PRKCI: variants seen among roughly 807,000 people sequenced by gnomAD.
PRKCI encodes protein kinase C iota type.
Under a neutral mutation model 84.0 loss-of-function variants are expected in PRKCI, and 43 were observed. The observed-to-expected ratio is 0.51, with a 90% confidence interval of 0.40 to 0.66. The LOEUF (loss-of-function observed/expected upper bound fraction) is 0.66, where lower values mean the gene tolerates loss of function less well. PRKCI is among the 30% of genes least tolerant of loss of function. The pLI, the probability that PRKCI is intolerant of heterozygous loss-of-function variation, is 0.00. For missense variants in PRKCI, 459 were observed against 745.6 expected (o/e 0.62, Z 4.48); for synonymous variants, 216 against 234.4 (o/e 0.92, Z 0.72).
chr3:170,282,021 T>C (rs1268861197), intron 11 of PRKCI, 53 bp downstream of exon 11: 65 of 1,579,662 alleles, frequency 4.1e-5, no homozygotes, highest in Non-Finnish European at 5.5e-5. Context: ...CATGTGGCTT[T>C]TTATGTGCAG....
chr3:170,255,783 G>T (rs974523497), intron 2 of PRKCI, among the ~76,000 whole-genome samples: 20 of 152,096 alleles, frequency 1.3e-4, no homozygotes, highest in African/African-American at 4.8e-4. Context: ...ATGATACTAG[G>T]TGTGGGTCTG....
chr3:170,281,861 G>C (rs751360821), intron 10 of PRKCI, 21 bp from the exon 11 acceptor site: 1 of 1,565,314 alleles, frequency 6.4e-7, no homozygotes, highest in Non-Finnish European at 8.6e-7. Context: ...TTGATTTCAT[G>C]GGTTCTCTCC....
At chr3:170,268,104 A>AT in intron 5 of PRKCI, 104 bp downstream of exon 5, 1 of 875,380 alleles carries the variant, frequency 1.1e-6, no homozygotes, top group Non-Finnish European at 1.8e-6. Context: ...TACACTTTTA[A>AT]ATACATAAGT....
chr3:170,248,995 C>T (rs1733365401), intron 2 of PRKCI, among the ~76,000 whole-genome samples: 1 of 151,908 alleles, frequency 6.6e-6, no homozygotes, highest in African/African-American at 2.4e-5. Context: ...CTACAGGTGC[C>T]CGCCGCCACG....
At chr3:170,269,177 A>G (rs1331901174) in intron 5 of PRKCI, among the ~76,000 whole-genome samples, 1 of 152,216 alleles carries the variant, frequency 6.6e-6, no homozygotes, top group Admixed American at 6.5e-5. Context: ...GGCCTCCCAA[A>G]GTGCTGGGAT....
At chr3:170,295,803 T>C (rs71277160) in intron 14 of PRKCI, 108 bp from the exon 15 acceptor site, 14,473 of 518,650 alleles carry the variant, frequency 0.028, 378 homozygotes, top group African/African-American at 0.083. Flanking sequence ...TGTGATTGCA[T>C]CACTGCACTC....
At chr3:170,234,941 ATT>A (rs909707600) in intron 1 of PRKCI, among the ~76,000 whole-genome samples, 1 of 148,012 alleles carries the variant, frequency 6.8e-6, no homozygotes, top group African/African-American at 2.5e-5. Context: ...CCTCTGGCTA[ATT>A]TTTTTTTTGT....
At chr3:170,242,465 C>T (rs1042354720) in intron 2 of PRKCI, among the ~76,000 whole-genome samples, 2 of 147,164 alleles carry the variant, frequency 1.4e-5, no homozygotes, top group Non-Finnish European at 2.9e-5. Flanking sequence ...AAAGAAAAGA[C>T]AAGAAAAGAA....
chr3:170,234,022 A>G (rs1339795641), intron 1 of PRKCI, among the ~76,000 whole-genome samples: 3 of 117,498 alleles, frequency 2.6e-5, no homozygotes, highest in Non-Finnish European at 5.1e-5. Context: ...CACCCAGCCT[A>G]TACTTACACT....
intron 2 of PRKCI, among the ~76,000 whole-genome samples, chr3:170,256,559 C>A (rs546113120): frequency 2.6e-5 from 4 of 152,074 alleles, no homozygotes; most frequent in African/African-American, 9.6e-5. Context: ...GGTCTTGTAT[C>A]TTTTATTTTT....
intron 13 of PRKCI, 63 bp from the exon 14 acceptor site, chr3:170,293,320 C>G: frequency 6.8e-7 from 1 of 1,460,402 alleles, no homozygotes; most frequent in Admixed American, 2.1e-5. Context: ...GATAAAATTT[C>G]CAGTTACTAA....
At chr3:170,252,333 TTG>T (rs1370540740) in intron 2 of PRKCI, among the ~76,000 whole-genome samples, 1 of 152,204 alleles carries the variant, frequency 6.6e-6, no homozygotes, top group Non-Finnish European at 1.5e-5. Context: ...AGACTTTTTT[TTG>T]TTAATTTTTT....
chr3:170,253,311 A>C (rs1302241653), intron 2 of PRKCI, among the ~76,000 whole-genome samples: 1 of 152,180 alleles, frequency 6.6e-6, no homozygotes, highest in East Asian at 1.9e-4. Flanking sequence ...CACCAACAGC[A>C]TGTGAGGGTT....
At chr3:170,273,996 C>A (rs1053293164) in intron 7 of PRKCI, among the ~76,000 whole-genome samples, 4 of 151,762 alleles carry the variant, frequency 2.6e-5, no homozygotes, top group Admixed American at 6.6e-5. Context: ...ATGTAAACTA[C>A]AACAAATGAC....
intron 12 of PRKCI, among the ~76,000 whole-genome samples, chr3:170,290,029 C>T (rs1485695393): frequency 6.6e-6 from 1 of 151,620 alleles, no homozygotes; most frequent in Non-Finnish European, 1.5e-5. Flanking sequence ...GCCAAGATCA[C>T]GCCACTGAAC....
chr3:170,245,949 G>GTTTTTTTTTTTTTTTTTTTT (rs112482352), intron 2 of PRKCI, among the ~76,000 whole-genome samples: 7 of 82,438 alleles, frequency 8.5e-5, no homozygotes, highest in Admixed American at 1.4e-4. Flanking sequence ...TTATGTCTTT[G>GTTTTTTTTTTTTTTTTTTTT]TTTTTTTTTT....
intron 2 of PRKCI, among the ~76,000 whole-genome samples, chr3:170,254,281 T>C (rs1733530872): frequency 6.6e-6 from 1 of 152,172 alleles, no homozygotes; most frequent in Non-Finnish European, 1.5e-5. Context: ...TTTTTTTGAT[T>C]GCTTTGTTTT....
rs1000213015 is a variant in PRKCI at position 170,288,218 on chromosome 3, C to T, written c.1203+3622C>T. On this transcript the variant is annotated intron_variant, in intron 12 of 17. Coordinates refer to ENST00000295797, the MANE Select transcript of PRKCI (RefSeq NM_002740.6). ...CCGAGATCGCGCCACTGCATTCCAGCCTGGGCAACAGAGTGAGACTACGTC... is the reference window on the plus strand; with the variant it reads ...CCGAGATCGCGCCACTGCATTCCAGTCTGGGCAACAGAGTGAGACTACGTC... Among the ~76,000 whole-genome samples the T allele has an allele frequency of 2.3e-4, 35 of 151,814 alleles. 1 individual carries two copies. The highest frequency in any genetic ancestry group is 1.8e-3 in the Admixed American group (27 of 15,244).
intron 8 of PRKCI, among the ~76,000 whole-genome samples, chr3:170,278,830 G>A (rs929901791): frequency 5.9e-5 from 9 of 152,110 alleles, no homozygotes; most frequent in Admixed American, 2.0e-4. Context: ...TGTGCCACAT[G>A]GCAAGAGAGG....
Sources: allele counts gnomAD v4.1 joint callset (sites outside exome capture counted in the v4.1 genomes callset), GRCh38; gene constraint gnomAD v4.1.1; transcripts MANE v1.5; gene names NCBI Gene and HGNC (gene_info 2026-07-23, HGNC 2026-07-21).